The following GRIN2B variants were observed in gnomAD, a reference collection of about 807,000 sequenced individuals.
GRIN2B encodes glutamate receptor ionotropic, NMDA 2B.
Under a neutral mutation model 114.5 loss-of-function variants are expected in GRIN2B, and 5 were observed. The ratio of observed to expected loss-of-function variants is 0.04; its 90% confidence interval spans 0.02 to 0.09. The LOEUF (loss-of-function observed/expected upper bound fraction) is 0.09, where lower values mean the gene tolerates loss of function less well. Ranked by LOEUF, GRIN2B falls within the 10% of genes least tolerant of loss-of-function variation. The probability of loss-of-function intolerance (pLI) is 1.00; values close to 1 mark genes in which losing one functional copy is unlikely to be tolerated. For missense variants in GRIN2B, 1,108 were observed against 1,943.5 expected (o/e 0.57, Z 8.08); for synonymous variants, 787 against 745.1 (o/e 1.06, Z -0.92).
At chr12:13,754,863 G>C (rs116301868) in intron 3 of GRIN2B, among the ~76,000 whole-genome samples, 1 of 152,044 alleles carries the variant, frequency 6.6e-6, no homozygotes, top group Non-Finnish European at 1.5e-5. Flanking sequence ...CCTTTCCAGG[G>C]AGAAGCCATT....
At chr12:13,703,771 G>T (rs1369319206) in intron 4 of GRIN2B, among the ~76,000 whole-genome samples, 4 of 152,068 alleles carry the variant, frequency 2.6e-5, no homozygotes, top group Non-Finnish European at 5.9e-5. Context: ...TTTAAGTAAG[G>T]TTGACCACCA....
At chr12:13,677,592 TA>T (rs984293814) in intron 4 of GRIN2B, among the ~76,000 whole-genome samples, 21 of 152,270 alleles carry the variant, frequency 1.4e-4, no homozygotes, top group Non-Finnish European at 2.6e-4. Flanking sequence ...TACCACTTCT[TA>T]CAGTTTATGC....
chr12:13,738,947 G>A (rs1047459303), intron 4 of GRIN2B, among the ~76,000 whole-genome samples: 2 of 152,168 alleles, frequency 1.3e-5, no homozygotes, highest in Non-Finnish European at 2.9e-5. Context: ...TGACTGAGAA[G>A]CACTGACACA....
intron 4 of GRIN2B, among the ~76,000 whole-genome samples, chr12:13,734,110 T>A (rs1038862899): frequency 1.3e-5 from 2 of 152,250 alleles, no homozygotes; most frequent in African/African-American, 4.8e-5. Flanking sequence ...ATAATTTCCA[T>A]TCTAAGTTTC....
chr12:13,768,995 C>T lies in GRIN2B; in HGVS notation c.412-15080G>A, dbSNP rs1286053380. 3.3e-5 allele frequency among the ~76,000 whole-genome samples: 5 copies of T among 152,136 alleles called. No individual in the cohort carries two copies. The East Asian group carries it at 9.6e-4, about 29-fold the overall frequency. On this transcript the variant is annotated intron_variant, in intron 3 of 13. Coordinates refer to ENST00000609686, the MANE Select transcript of GRIN2B (RefSeq NM_000834.5). ...CTTGCAGTGAGCCGAGATCGCACCA[C>T]TGCACTCCAGCTTGGGCAACAGAGT...
At chr12:13,696,220 C>T (rs1413725456) in intron 4 of GRIN2B, among the ~76,000 whole-genome samples, 1 of 152,098 alleles carries the variant, frequency 6.6e-6, no homozygotes, top group East Asian at 1.9e-4. Flanking sequence ...GAAGACTGAG[C>T]TAGTATGAGT....
chr12:13,969,614 T>G (rs1867843751), intron 2 of GRIN2B, among the ~76,000 whole-genome samples: 1 of 152,242 alleles, frequency 6.6e-6, no homozygotes, highest in Admixed American at 6.5e-5. Flanking sequence ...ACAGCAATAA[T>G]TCTTAGCATT....
At chr12:13,610,204 CGTT>C (rs1449210892) in intron 9 of GRIN2B, among the ~76,000 whole-genome samples, 1 of 152,136 alleles carries the variant, frequency 6.6e-6, no homozygotes, top group African/African-American at 2.4e-5. Flanking sequence ...GTAACTAAAA[CGTT>C]GTTTATAAAT....
At chr12:13,775,860 C>T (rs1436146001) in intron 3 of GRIN2B, among the ~76,000 whole-genome samples, 4 of 152,124 alleles carry the variant, frequency 2.6e-5, no homozygotes, top group Non-Finnish European at 5.9e-5. Flanking sequence ...TAGTCTTCCC[C>T]AGTGTGGCAA....
Position 13,691,587 on chromosome 12 carries a change from T to C in GRIN2B, c.1011-15728A>G, listed in dbSNP as rs1465253587. On this transcript the variant is annotated intron_variant, in intron 4 of 13. Transcript: ENST00000609686. ...TCATTACCAGGTTGCTTTGATTATA[T>C]TAAGTTAAAAACACATTCGATATGA... Among the ~76,000 whole-genome samples, 3 of 152,194 alleles carry C rather than the reference T, an allele frequency of 2.0e-5. No homozygotes were observed. In the East Asian group the frequency reaches 5.8e-4, roughly 29 times the overall value.
intron 2 of GRIN2B, among the ~76,000 whole-genome samples, chr12:13,918,607 C>T (rs552110405): frequency 1.5e-3 from 230 of 152,336 alleles, no homozygotes; most frequent in African/African-American, 5.4e-3. Flanking sequence ...ATAGCAGCAA[C>T]CAACCCCAGT....
intron 4 of GRIN2B, among the ~76,000 whole-genome samples, chr12:13,694,639 A>G (rs1475111912): frequency 7.8e-6 from 1 of 127,542 alleles, no homozygotes; most frequent in East Asian, 2.4e-4. Context: ...TTCCCAGTCT[A>G]TTGTGCAAGA....
intron 5 of GRIN2B, among the ~76,000 whole-genome samples, chr12:13,621,471 C>G (rs183781315): frequency 3.9e-5 from 6 of 152,054 alleles, no homozygotes. Flanking sequence ...TTTGAGGTAA[C>G]TAAACAAACA....
intron 10 of GRIN2B, among the ~76,000 whole-genome samples, chr12:13,580,422 G>C (rs530067139): frequency 1.3e-5 from 2 of 152,272 alleles, no homozygotes; most frequent in Admixed American, 1.3e-4. Context: ...ATAGAATCTG[G>C]GGGCTTTTGT....
intron 2 of GRIN2B, among the ~76,000 whole-genome samples, chr12:13,963,591 A>C (rs891098413): frequency 6.6e-6 from 1 of 152,128 alleles, no homozygotes; most frequent in Non-Finnish European, 1.5e-5. Flanking sequence ...ACCTTCACAT[A>C]ACCTGCGTTT....
chr12:13,873,208 T>C (rs1465742394), intron 2 of GRIN2B, among the ~76,000 whole-genome samples: 1 of 152,174 alleles, frequency 6.6e-6, no homozygotes, highest in African/African-American at 2.4e-5. Context: ...TAAATTTAAA[T>C]CTAGAGAAGC....
At chr12:13,729,798 G>A (rs1433242377) in intron 4 of GRIN2B, among the ~76,000 whole-genome samples, 2 of 126,482 alleles carry the variant, frequency 1.6e-5, no homozygotes, top group East Asian at 2.7e-4. Context: ...TAGGGTGGGC[G>A]AGACAAAGAG....
intron 2 of GRIN2B, chr12:13,977,298 A>G (rs1863039694): frequency 6.6e-6 from 1 of 152,150 alleles, no homozygotes; most frequent in African/African-American, 2.4e-5. Flanking sequence ...GGGAGAGGAA[A>G]AATTAGACAA....
intron 5 of GRIN2B, among the ~76,000 whole-genome samples, chr12:13,637,128 A>T (rs1949673171): frequency 6.6e-6 from 1 of 152,160 alleles, no homozygotes; most frequent in South Asian, 2.1e-4. Flanking sequence ...AGAGACATTG[A>T]CATTTAGAAT....
Sources: allele counts gnomAD v4.1 joint callset (sites outside exome capture counted in the v4.1 genomes callset), GRCh38; gene constraint gnomAD v4.1.1; transcripts MANE v1.5; gene names NCBI Gene and HGNC (gene_info 2026-07-23, HGNC 2026-07-21).